Variants in MACROD2 observed in about 807,000 individuals in gnomAD.
MACROD2 encodes the protein mono-ADP ribosylhydrolase 2.
Under a neutral mutation model 70.4 loss-of-function variants are expected in MACROD2, and 36 were observed. That is an observed-to-expected ratio of 0.51 (90% CI 0.39 to 0.68). MACROD2 has a LOEUF of 0.68. Ranked by LOEUF, MACROD2 falls within the 30% of genes least tolerant of loss-of-function variation. The probability of loss-of-function intolerance (pLI) is 0.00; values close to 1 mark genes in which losing one functional copy is unlikely to be tolerated. For synonymous variants in MACROD2, 172 were observed against 178.8 expected (o/e 0.96, Z 0.30); for missense variants, 496 against 538.4 (o/e 0.92, Z 0.78).
chr20:15,561,383 G>A (rs2048241930), intron 8 of MACROD2, among the ~76,000 whole-genome samples: 1 of 152,202 alleles, frequency 6.6e-6, no homozygotes, highest in African/African-American at 2.4e-5. Flanking sequence ...GCAATTTGTA[G>A]TGATGTTGTC....
chr20:14,666,720 G>GA (rs1178624642), intron 4 of MACROD2, among the ~76,000 whole-genome samples: 2 of 151,576 alleles, frequency 1.3e-5, no homozygotes, highest in Non-Finnish European at 2.9e-5. Flanking sequence ...TGATATACTA[G>GA]ATACCAATTA....
Position 15,047,343 on chromosome 20 carries a change from A to ACAC in MACROD2, c.419-182596_419-182595insACC, listed in dbSNP as rs1252707512. Among the ~76,000 whole-genome samples, 3 of 152,300 alleles carry ACAC rather than the reference A, an allele frequency of 2.0e-5. No homozygotes were observed. In the East Asian group the frequency reaches 5.8e-4, roughly 29 times the overall value. On this transcript the variant is annotated intron_variant, in intron 5 of 17. Transcript: ENST00000684519. ...GGCTAAGTAGGCACTGAGATGCTCA[A>ACAC]CTTCAGTGTTTCCTCCTACCTACTG...
At chr20:15,726,298 G>C (rs2050861882) in intron 8 of MACROD2, among the ~76,000 whole-genome samples, 1 of 152,046 alleles carries the variant, frequency 6.6e-6, no homozygotes, top group Admixed American at 6.6e-5. Context: ...TCCATGATAT[G>C]TATGTACCAT....
At chr20:14,311,313 T>C (rs2082564984) in intron 3 of MACROD2, among the ~76,000 whole-genome samples, 1 of 152,178 alleles carries the variant, frequency 6.6e-6, no homozygotes. Flanking sequence ...TGTGTTACAA[T>C]TGCTTACAGT....
chr20:15,889,814 G>A (rs2064866101), intron 10 of MACROD2, among the ~76,000 whole-genome samples: 1 of 152,086 alleles, frequency 6.6e-6, no homozygotes, highest in African/African-American at 2.4e-5. Flanking sequence ...GTCCCTCAGG[G>A]GACAAAGCCA....
chr20:14,161,449 G>C (rs933714671), intron 3 of MACROD2, among the ~76,000 whole-genome samples: 2 of 151,834 alleles, frequency 1.3e-5, no homozygotes, highest in African/African-American at 4.8e-5. Flanking sequence ...GTGTCCCAAA[G>C]TGCTGGGATT....
chr20:14,523,656 T>A (rs2085195975), intron 4 of MACROD2, among the ~76,000 whole-genome samples: 1 of 152,222 alleles, frequency 6.6e-6, no homozygotes, highest in African/African-American at 2.4e-5. Context: ...CACAAAAATA[T>A]GGACCTCTAG....
At chr20:14,489,617 A>G (rs2084771270) in intron 3 of MACROD2, among the ~76,000 whole-genome samples, 1 of 152,160 alleles carries the variant, frequency 6.6e-6, no homozygotes, top group Admixed American at 6.5e-5. Context: ...AGAATAAATA[A>G]ACTAAACTAG....
intron 3 of MACROD2, among the ~76,000 whole-genome samples, chr20:14,280,424 T>C (rs1375120614): frequency 6.6e-6 from 1 of 152,178 alleles, no homozygotes; most frequent in African/African-American, 2.4e-5. Context: ...TCAAGAATTA[T>C]GATTGTGCAA....
At chr20:15,870,447 C>T (rs558665525) in intron 9 of MACROD2, among the ~76,000 whole-genome samples, 1 of 152,212 alleles carries the variant, frequency 6.6e-6, no homozygotes, top group Non-Finnish European at 1.5e-5. Flanking sequence ...GAATGTGTAT[C>T]TCCTCCAAAA....
intron 4 of MACROD2, among the ~76,000 whole-genome samples, chr20:14,676,281 A>G (rs1431909826): frequency 6.6e-6 from 1 of 151,562 alleles, no homozygotes; most frequent in Non-Finnish European, 1.5e-5. Context: ...ATTCTAACAT[A>G]CATCCACAAC....
chr20:15,724,825 G>A (rs182979565), intron 8 of MACROD2, among the ~76,000 whole-genome samples: 3 of 152,282 alleles, frequency 2.0e-5, no homozygotes, highest in Admixed American at 6.5e-5. Context: ...GCTCACACCT[G>A]TAATCCCAGC....
chr20:15,442,979 G>C (rs1476148933), intron 7 of MACROD2, among the ~76,000 whole-genome samples: 1 of 152,040 alleles, frequency 6.6e-6, no homozygotes, highest in Non-Finnish European at 1.5e-5. Flanking sequence ...TAGATATTTA[G>C]ACCTCACCTC....
At chr20:14,847,828 T>G (rs8118116) in intron 5 of MACROD2, among the ~76,000 whole-genome samples, 2,198 of 152,242 alleles carry the variant, frequency 0.014, 56 homozygotes, top group African/African-American at 0.05. Flanking sequence ...CAGAGCCCTT[T>G]GCTTTGAAAT....
intron 5 of MACROD2, among the ~76,000 whole-genome samples, chr20:15,195,495 G>C (rs141751271): frequency 0.013 from 1,936 of 152,190 alleles, 36 homozygotes; most frequent in African/African-American, 0.043. Context: ...CAACATGACT[G>C]GTCATTAGAA....
intron 3 of MACROD2, among the ~76,000 whole-genome samples, chr20:14,109,233 A>G (rs1189782183): frequency 6.6e-6 from 1 of 152,030 alleles, no homozygotes; most frequent in Non-Finnish European, 1.5e-5. Context: ...AACGGAGACA[A>G]AATGTACCAA....
chr20:14,798,891 C>G (rs568821873), intron 5 of MACROD2, among the ~76,000 whole-genome samples: 3 of 151,952 alleles, frequency 2.0e-5, no homozygotes, highest in South Asian at 4.2e-4. Flanking sequence ...CTATCATATT[C>G]AGATTTTGTA....
intron 9 of MACROD2, among the ~76,000 whole-genome samples, chr20:15,871,877 G>T (rs1221121704): frequency 1.3e-5 from 2 of 152,182 alleles, no homozygotes; most frequent in East Asian, 3.9e-4. Context: ...AAATAGGATA[G>T]ATTCTATATT....
At chr20:15,757,360 C>T (rs2051362606) in intron 8 of MACROD2, among the ~76,000 whole-genome samples, 1 of 148,040 alleles carries the variant, frequency 6.8e-6, no homozygotes, top group Admixed American at 7.0e-5. Flanking sequence ...GTTACCTGTA[C>T]TTAGTAGGGC....
Sources: allele counts gnomAD v4.1 joint callset (sites outside exome capture counted in the v4.1 genomes callset), GRCh38; gene constraint gnomAD v4.1.1; transcripts MANE v1.5; gene names NCBI Gene and HGNC (gene_info 2026-07-23, HGNC 2026-07-21).